Variants in MTMR10 observed in about 807,000 individuals in gnomAD.
MTMR10 encodes the protein myotubularin-related protein 10.
In MTMR10, 56 loss-of-function variants were observed where a neutral mutation model predicts 88.1. The ratio of observed to expected loss-of-function variants is 0.64; its 90% CI spans 0.51 to 0.79. The LOEUF (loss-of-function observed/expected upper bound fraction) is 0.79, where lower values mean the gene tolerates loss of function less well. Among genes scored for constraint, MTMR10 ranks in the 30% least tolerant of loss-of-function variants. The pLI, the probability that MTMR10 is intolerant of heterozygous loss-of-function variation, is 0.00. For synonymous variants in MTMR10, 380 were observed against 340.9 expected, an observed-to-expected ratio of 1.11 and a Z score of -1.26; for missense variants, 883 against 924.7, an observed-to-expected ratio of 0.95 and a Z score of 0.58.
rs779279570 is a variant in MTMR10, at chr15:30,941,761, C to T, written c.2043G>A (p.Lys681=). Residue 681 remains lysine, a synonymous_variant, in exon 16 of 16, where the codon AAG becomes AAA. Coordinates refer to ENST00000435680, the MANE Select transcript of MTMR10 (RefSeq NM_017762.3). ...CGACTTCATCAGCCAGGAGGGAGAG[C>T]TTGTGAAAGGCTGTGATGGAGCCAC... ...SLGGSITAFH[K]LSLLADEVDV... is the part of the protein sequence containing the mutation. 1.2e-6 allele frequency: 2 copies of T among 1,613,998 alleles called. No individual in the cohort carries two copies. The highest frequency in any genetic ancestry group is 2.2e-5 in the South Asian group (2 of 91,080).
At chr15:30,942,681 C>T in intron 15 of MTMR10, 5 of 515,820 alleles carry the variant, frequency 9.7e-6, no homozygotes, top group Non-Finnish European at 1.7e-5. Context: ...GCAATCTGCC[C>T]ACTCTCAGGT....
chr15:30,980,894 A>C (rs1173692455), intron 2 of MTMR10, among the ~76,000 whole-genome samples: 2 of 152,264 alleles, frequency 1.3e-5, no homozygotes, highest in East Asian at 3.8e-4. Flanking sequence ...CTGTGAATCC[A>C]TACTGTTGTC....
At chr15:30,973,195 G>A (rs1178821124) in intron 5 of MTMR10, among the ~76,000 whole-genome samples, 1 of 152,170 alleles carries the variant, frequency 6.6e-6, no homozygotes, top group African/African-American at 2.4e-5. Context: ...ACAGGTGAAA[G>A]AGGCTTTAAG....
the MTMR10 span, chr15:30,920,632 G>A: frequency 6.2e-7 from 1 of 1,608,320 alleles, no homozygotes; most frequent in Non-Finnish European, 8.5e-7. Flanking sequence ...TGGAAATACT[G>A]CAGAGACTTC....
At chr15:30,948,927 T>G (rs1210863654) in intron 12 of MTMR10, 1 of 157,146 alleles carries the variant, frequency 6.4e-6, no homozygotes, top group Non-Finnish European at 1.4e-5. Context: ...TGTTGTCCTT[T>G]CCAATAAGGC....
chr15:30,970,214 G>A (rs1226947892), intron 5 of MTMR10, among the ~76,000 whole-genome samples: 1 of 152,112 alleles, frequency 6.6e-6, no homozygotes, highest in Non-Finnish European at 1.5e-5. Flanking sequence ...AAGCCCTAGA[G>A]ATGCAGTGAA....
chr15:30,930,687 A>G, the MTMR10 span: 9 of 1,612,282 alleles, frequency 5.6e-6, no homozygotes, highest in Non-Finnish European at 7.6e-6. Flanking sequence ...TTGAGGCAGA[A>G]TGGAAAGTCC....
chr15:30,945,389 C>G (rs1213122370), intron 14 of MTMR10, among the ~76,000 whole-genome samples: 1 of 152,126 alleles, frequency 6.6e-6, no homozygotes, highest in Non-Finnish European at 1.5e-5. Flanking sequence ...AATGTTCATT[C>G]CTGGTGAGAA....
the MTMR10 span, among the ~76,000 whole-genome samples, chr15:30,932,194 C>G: frequency 7.3e-6 from 1 of 136,466 alleles, no homozygotes; most frequent in Non-Finnish European, 1.5e-5. Flanking sequence ...TGCACTCCAG[C>G]CTGGGCAACA....
At chr15:30,943,973 T>C (rs958691218) in intron 14 of MTMR10, 1 of 985,390 alleles carries the variant, frequency 1.0e-6, no homozygotes, top group Non-Finnish European at 1.2e-6. Context: ...TGATGGGAAA[T>C]GTCTGATTCT....
At chr15:30,928,802 T>C in the MTMR10 span, 1 of 1,465,152 alleles carries the variant, frequency 6.8e-7, no homozygotes, top group Non-Finnish European at 9.0e-7. Context: ...GATAACTTAT[T>C]TTAAAAATCT....
At chr15:30,926,888 C>T in the MTMR10 span, 1 of 985,424 alleles carries the variant, frequency 1.0e-6, no homozygotes, top group South Asian at 4.7e-5. Context: ...TGAACTCTGG[C>T]TGCCAGGCTT....
intron 13 of MTMR10, 130 bp downstream of exon 13, chr15:30,948,172 T>C (rs1230551181): frequency 2.6e-6 from 2 of 758,828 alleles, no homozygotes; most frequent in Non-Finnish European, 3.9e-6. Flanking sequence ...ATCCATTAGT[T>C]AGCTTTGGAC....
chr15:30,981,840 C>T (rs1441351579), intron 2 of MTMR10, among the ~76,000 whole-genome samples: 3 of 152,042 alleles, frequency 2.0e-5, no homozygotes, highest in Non-Finnish European at 2.9e-5. Flanking sequence ...GAGGCTGAGG[C>T]AGGCAGATCA....
rs901275456 is a variant in MTMR10 at position 30,939,307 on chromosome 15, T to A, written c.*2163A>T. On this transcript the variant is annotated 3_prime_UTR_variant, in exon 16 of 16. Transcript: ENST00000435680. ...ATTTCACCCAGTGCATCAGCATCTG[T>A]GCGGCATTCCCTCAGCACGGGCTCT... 6.1e-6 allele frequency: 6 copies of A among 985,358 alleles called. No individual in the cohort carries two copies. In the African/African-American group the frequency reaches 1.0e-4, roughly 17 times the overall value. 61.0% of individuals were successfully genotyped at this position (985,358 alleles called of 1,614,324 possible).
chr15:30,968,260 A>T (rs1275637958), intron 5 of MTMR10: 1 of 320,344 alleles, frequency 3.1e-6, no homozygotes, highest in Non-Finnish European at 5.6e-6. Flanking sequence ...TGCTGAGTTA[A>T]ATTTTAATTG....
intron 9 of MTMR10, among the ~76,000 whole-genome samples, chr15:30,956,892 G>C (rs1245960414): frequency 6.6e-6 from 1 of 152,222 alleles, no homozygotes; most frequent in Non-Finnish European, 1.5e-5. Context: ...AAGGCTTGGA[G>C]TATGACACAG....
At chr15:30,937,045 A>C (rs2062874948), downstream of MTMR10, 1 of 1,254,548 alleles carries the variant, frequency 8.0e-7, no homozygotes, top group Non-Finnish European at 1.1e-6. Flanking sequence ...GTTGTCAGTG[A>C]CAACTACAAC....
intron 3 of MTMR10, among the ~76,000 whole-genome samples, chr15:30,976,023 C>T (rs2030109509): frequency 6.6e-6 from 1 of 150,644 alleles, no homozygotes; most frequent in South Asian, 2.1e-4. Context: ...AAGAGGGCTA[C>T]TGAAAATTTT....
Sources: allele counts gnomAD v4.1 joint callset (sites outside exome capture counted in the v4.1 genomes callset), GRCh38; gene constraint gnomAD v4.1.1; transcripts MANE v1.5; gene names NCBI Gene and HGNC (gene_info 2026-07-23, HGNC 2026-07-21).